TSC22D3: variants seen among roughly 807,000 people sequenced by gnomAD.
The protein encoded by TSC22D3 is TSC22 domain family protein 3.
Under a neutral mutation model 11.1 loss-of-function variants are expected in TSC22D3, and 4 were observed. The observed-to-expected ratio is 0.36, with a 90% CI of 0.18 to 0.83. TSC22D3 has a LOEUF of 0.83. TSC22D3 is among the 40% of genes least tolerant of loss of function. The pLI is 0.48. For missense variants in TSC22D3, 118 were observed against 159.4 expected, an observed-to-expected ratio of 0.74 and a Z score of 1.40; for synonymous variants, 77 against 70.3, an observed-to-expected ratio of 1.10 and a Z score of -0.48.
intron 1 of TSC22D3, 160 bp downstream of exon 1, chrX:107,774,940 G>C: frequency 1.8e-6 from 1 of 570,710 alleles, no homozygotes; most frequent in Non-Finnish European, 2.7e-6. Context: ...TCAGCTCCGC[G>C]GTACTCCAGG....
chrX:107,766,458 C>CG (rs1929659213), intron 1 of TSC22D3, among the ~76,000 whole-genome samples: 1 of 96,348 alleles, frequency 1.0e-5, no homozygotes, highest in Admixed American at 1.1e-4. Context: ...TTCCGCCCCC[C>CG]CCCCAACAAC....
chrX:107,742,915 G>T (rs983586911), intron 1 of TSC22D3, among the ~76,000 whole-genome samples: 1 of 112,162 alleles, frequency 8.9e-6, no homozygotes, highest in Admixed American at 9.3e-5. Context: ...AGCAGCGCCC[G>T]TTCCCACAGG....
chrX:107,772,469 G>T (rs1188889453), intron 1 of TSC22D3, among the ~76,000 whole-genome samples: 1 of 111,597 alleles, frequency 9.0e-6, no homozygotes. Context: ...CAGCAATAAT[G>T]GTCTTCTAGT....
chrX:107,714,423 C>A lies in TSC22D3; in HGVS notation c.*96G>T. 3.7e-6 allele frequency: 3 copies of A among 811,828 alleles called. No individual in the cohort carries two copies. The South Asian group carries it at 7.7e-5, about 21-fold the overall frequency. The allele number at this position is 811,828 out of a possible 1,213,427, so 66.9% of individuals were successfully genotyped here. A position where few individuals can be genotyped will look rare whatever the true frequency, so the allele number is the denominator to read the frequency against. ...CACCAGCTGTGCTAGGTGTAAAGTT[C>A]TCCTCGTGAGATGATGCTTGGGGAG... On this transcript the variant is annotated 3_prime_UTR_variant, in exon 3 of 3. Coordinates refer to ENST00000372383, the MANE Select transcript of TSC22D3 (RefSeq NM_198057.3).
intron 1 of TSC22D3, among the ~76,000 whole-genome samples, chrX:107,725,992 G>A (rs1927601871): frequency 8.9e-6 from 1 of 111,740 alleles, no homozygotes; most frequent in African/African-American, 3.3e-5. Flanking sequence ...ATTCCCAGGT[G>A]AGCTGAAGGG....
At chrX:107,748,613 CTT>C (rs1928781158) in intron 1 of TSC22D3, among the ~76,000 whole-genome samples, 1 of 111,703 alleles carries the variant, frequency 9.0e-6, no homozygotes, top group South Asian at 3.7e-4. Context: ...TGTTCCAACT[CTT>C]GTTCCCTTTA....
At chrX:107,766,070 C>A (rs1001269874) in intron 1 of TSC22D3, among the ~76,000 whole-genome samples, 4 of 112,261 alleles carry the variant, frequency 3.6e-5, no homozygotes, top group Admixed American at 2.8e-4. Context: ...TTGATGGCAA[C>A]ACACGTGAGA....
intron 1 of TSC22D3, among the ~76,000 whole-genome samples, chrX:107,718,383 T>C (rs1237934934): frequency 8.9e-6 from 1 of 112,615 alleles, no homozygotes; most frequent in Non-Finnish European, 1.9e-5. Flanking sequence ...ACAGTTTGGA[T>C]GAAGTTAAGG....
chrX:107,744,616 CTG>C (rs1928574982), intron 1 of TSC22D3, among the ~76,000 whole-genome samples: 2 of 112,582 alleles, frequency 1.8e-5, no homozygotes, highest in Admixed American at 9.4e-5. Context: ...TTGTTAATGA[CTG>C]TGATACACAT....
intron 1 of TSC22D3, among the ~76,000 whole-genome samples, chrX:107,773,713 A>G (rs1431561412): frequency 8.9e-6 from 1 of 112,122 alleles, no homozygotes; most frequent in East Asian, 2.8e-4. Context: ...ACGACTTGTT[A>G]TAATAACACT....
At chrX:107,742,584 C>T (rs958851602) in intron 1 of TSC22D3, among the ~76,000 whole-genome samples, 2 of 111,357 alleles carry the variant, frequency 1.8e-5, no homozygotes, top group African/African-American at 6.6e-5. Flanking sequence ...AACAACAAGC[C>T]TCTCTGCCCG....
At chrX:107,749,364 G>A (rs1340940269) in intron 1 of TSC22D3, among the ~76,000 whole-genome samples, 1 of 110,651 alleles carries the variant, frequency 9.0e-6, no homozygotes, top group East Asian at 2.8e-4. Flanking sequence ...GACAGAGCGA[G>A]ACTCTGTCTC....
At chrX:107,714,831 C>A in intron 2 of TSC22D3, 82 bp from the exon 3 acceptor site, 1 of 947,063 alleles carries the variant, frequency 1.1e-6, no homozygotes, top group South Asian at 2.1e-5. Flanking sequence ...CATTGGTGTG[C>A]CTGTGCTGTC....
rs144520470 is a variant in TSC22D3, at chrX:107,728,818, G to A, written c.321-12868C>T. Among the ~76,000 whole-genome samples the A allele has an allele frequency of 3.6e-5, 4 of 112,409 alleles. No homozygotes were observed. In the East Asian group the frequency reaches 1.1e-3, roughly 31 times the overall value. On this transcript the variant is annotated intron_variant, in intron 1 of 2. Coordinates refer to ENST00000372383, the MANE Select transcript of TSC22D3 (RefSeq NM_198057.3). ...GTTTAGTTTTTCTCAGGGAAGGGAT[G>A]TGATGACCTGCCTCAGCTTGGTCAG... is the stretch of plus-strand genomic sequence containing the variant.
intron 1 of TSC22D3, among the ~76,000 whole-genome samples, chrX:107,753,450 T>C (rs953487159): frequency 2.7e-5 from 3 of 111,180 alleles, no homozygotes; most frequent in Non-Finnish European, 3.8e-5. Context: ...CAGATGTGAT[T>C]TTCCTCAGAT....
chrX:107,746,397 A>AAGAC (rs1276078702), intron 1 of TSC22D3, among the ~76,000 whole-genome samples: 1 of 111,320 alleles, frequency 9.0e-6, no homozygotes, highest in Non-Finnish European at 1.9e-5. Context: ...CTAGACAGAC[A>AAGAC]AGACAGACAG....
At chrX:107,732,867 G>T (rs766629300) in intron 1 of TSC22D3, among the ~76,000 whole-genome samples, 91 of 111,306 alleles carry the variant, frequency 8.2e-4, no homozygotes, top group African/African-American at 2.7e-3. Context: ...GGAAGCCAAG[G>T]GGGGAGGATC....
At chrX:107,746,323 G>A (rs746174209) in intron 1 of TSC22D3, among the ~76,000 whole-genome samples, 1 of 111,745 alleles carries the variant, frequency 8.9e-6, no homozygotes, top group Admixed American at 9.5e-5. Flanking sequence ...AAAGGGAAGA[G>A]GGGCCAAGAC....
intron 1 of TSC22D3, among the ~76,000 whole-genome samples, chrX:107,730,718 A>G (rs1927842727): frequency 8.9e-6 from 1 of 112,559 alleles, no homozygotes; most frequent in South Asian, 3.6e-4. Flanking sequence ...ATGTAAACAC[A>G]TATTTTGAAA....
Sources: allele counts gnomAD v4.1 joint callset (sites outside exome capture counted in the v4.1 genomes callset), GRCh38; gene constraint gnomAD v4.1.1; transcripts MANE v1.5; gene names NCBI Gene and HGNC (gene_info 2026-07-23, HGNC 2026-07-21).